CHEK1: variants seen among roughly 807,000 people sequenced by gnomAD.
CHEK1 encodes the protein checkpoint kinase 1, also known as serine/threonine-protein kinase Chk1.
Under a neutral mutation model 60.2 loss-of-function variants are expected in CHEK1, and 32 were observed. That is an observed-to-expected ratio of 0.53 (90% CI 0.40 to 0.71). The LOEUF (loss-of-function observed/expected upper bound fraction) is 0.71, where lower values mean the gene tolerates loss of function less well. Among genes scored for constraint, CHEK1 ranks in the 30% least tolerant of loss-of-function variants. CHEK1 has a pLI of 0.00. For synonymous variants in CHEK1, 179 were observed against 187.2 expected (o/e 0.96, Z 0.36); for missense variants, 399 against 564.6 (o/e 0.71, Z 2.97).
downstream of CHEK1, among the ~76,000 whole-genome samples, chr11:125,658,302 A>T (rs779760549): frequency 2.0e-4 from 30 of 152,094 alleles, no homozygotes; most frequent in Non-Finnish European, 3.7e-4. Context: ...TGTTTTAACA[A>T]GTTGTTGCTG....
At chr11:125,655,092 G>A (rs557473810) in intron 12 of CHEK1, 133 bp from the exon 13 acceptor site, 8 of 641,246 alleles carry the variant, frequency 1.2e-5, no homozygotes, top group Admixed American at 3.0e-5. Context: ...TAAACAGACC[G>A]AAAAGAAAAT....
intron 13 of CHEK1, chr11:125,672,477 G>T: frequency 8.1e-7 from 1 of 1,237,328 alleles, no homozygotes; most frequent in Non-Finnish European, 1.1e-6. Context: ...CTAATGCTCA[G>T]GCAGAGGCAG....
Position 125,637,564 on chromosome 11 carries a change from AGTTT to A in CHEK1, c.814+29_814+32del, listed in dbSNP as rs747773281. 45 of 1,551,394 alleles carry A rather than the reference AGTTT, an allele frequency of 2.9e-5. No individual in the cohort carries two copies. Among genetic ancestry groups the A allele is most frequent in the African/African-American group, 2.3e-4 (17 of 72,766 alleles). On this transcript the variant is annotated intron_variant, in intron 8 of 12. Transcript: ENST00000438015. ...AGAAAGGTAATATCCTTAAACTACA[AGTTT>A]GTTTGTTTTTCTGTGGAAGAAAAGG... is the stretch of plus-strand genomic sequence containing the variant.
In CHEK1 at chr11:125,643,527, A is replaced by G. The variant is rs541574484; in HGVS notation, c.815-265A>G. The G allele has an allele frequency of 1.2e-4, 37 of 318,770 alleles. No homozygotes were observed. In the Admixed American group the frequency reaches 1.4e-3, roughly 12 times the overall value. The allele number at this position is 318,770 out of a possible 1,614,324, so 19.7% of individuals were successfully genotyped here. A position where few individuals can be genotyped will look rare whatever the true frequency, so the allele number is the denominator to read the frequency against. ...AAAAAAAAAAGATTGTGGTCTGAGCATACTCCACACTTTGAACATGTCTAC... is the reference window on the plus strand; with the variant it reads ...AAAAAAAAAAGATTGTGGTCTGAGCGTACTCCACACTTTGAACATGTCTAC... On this transcript the variant is annotated intron_variant, in intron 8 of 12. Coordinates refer to ENST00000438015, the MANE Select transcript of CHEK1 (RefSeq NM_001114122.3).
chr11:125,643,487 C>T (rs1023445093), intron 8 of CHEK1: 54 of 191,424 alleles, frequency 2.8e-4, no homozygotes, highest in African/African-American at 2.1e-4. Context: ...AGCGAGACTC[C>T]GTCTCAAAAA....
chr11:125,632,697 G>A (rs187759003), intron 5 of CHEK1, among the ~76,000 whole-genome samples: 3 of 152,196 alleles, frequency 2.0e-5, no homozygotes, highest in African/African-American at 7.2e-5. Context: ...AATTACTGTG[G>A]TTTGTTGAAT....
chr11:125,637,802 C>G (rs762992546), intron 8 of CHEK1, among the ~76,000 whole-genome samples: 1 of 152,150 alleles, frequency 6.6e-6, no homozygotes, highest in Admixed American at 6.5e-5. Context: ...TACATTAAAT[C>G]TAAGATTTGA....
downstream of CHEK1, among the ~76,000 whole-genome samples, chr11:125,658,240 T>G (rs1941953643): frequency 6.6e-6 from 1 of 152,180 alleles, no homozygotes; most frequent in Non-Finnish European, 1.5e-5. Context: ...GGCTAACTTT[T>G]GTATTTTTTG....
At chr11:125,660,534 T>A (rs185087267), downstream of CHEK1, among the ~76,000 whole-genome samples, 2 of 152,158 alleles carry the variant, frequency 1.3e-5, no homozygotes, top group East Asian at 3.9e-4. Flanking sequence ...CTAGGTTCTG[T>A]TAATTTTGCT....
chr11:125,635,499 C>T lies in CHEK1; in HGVS notation c.684C>T (p.Leu228=). Residue 228 remains leucine (L), a synonymous_variant, in exon 7 of 13, where the codon CTC becomes CTT. Transcript: ENST00000438015. Reference sequence around the variant, plus strand: ...ACTGGAAAGAAAAAAAAACATACCTCAACCCTTGGAAAAAAATCGATTCTG... The same window carrying T: ...ACTGGAAAGAAAAAAAAACATACCTTAACCCTTGGAAAAAAATCGATTCTG... ...YSDWKEKKTY[L]NPWKKIDSAP... The T allele has an allele frequency of 6.2e-7, 1 of 1,607,716 alleles. No individual in the cohort carries two copies. The highest frequency in any genetic ancestry group is 8.5e-7 in the Non-Finnish European group (1 of 1,177,284).
chr11:125,644,515 C>T lies in CHEK1; in HGVS notation c.1105C>T (p.Pro369Ser), dbSNP rs1318383609. ...LLGTPGSSQN[P>S]WQRLVKRMTR... Reference sequence around the variant, plus strand: ...TTGTCTTCTGTTTGACATGTAGAACCCCTGGCAGCGGTTGGTCAAAAGAAT... The same window carrying T: ...TTGTCTTCTGTTTGACATGTAGAACTCCTGGCAGCGGTTGGTCAAAAGAAT... The change falls in exon 11 of 13, where the codon CCC (proline) becomes TCC (serine). Residue 369 changes from proline to serine, a missense_variant. Physicochemically the swap from Pro to Ser is moderately conservative, Grantham distance 74. This residue lies in a region of CHEK1 where 370 missense variants were observed against 494.8 expected (regional missense o/e 0.75). Transcript: ENST00000438015. The T allele has an allele frequency of 6.2e-7, 1 of 1,613,522 alleles. No individual in the cohort carries two copies. Among genetic ancestry groups the T allele is most frequent in the Non-Finnish European group, 8.5e-7 (1 of 1,179,840 alleles).
intron 11 of CHEK1, among the ~76,000 whole-genome samples, chr11:125,647,113 C>T (rs1440624961): frequency 2.6e-5 from 4 of 152,100 alleles, no homozygotes; most frequent in Non-Finnish European, 4.4e-5. Context: ...GCGGGGACTA[C>T]AGTCTTAAAG....
At chr11:125,675,742 T>A (rs539796211) in intron 13 of CHEK1, among the ~76,000 whole-genome samples, 4 of 152,136 alleles carry the variant, frequency 2.6e-5, no homozygotes, top group Admixed American at 2.6e-4. Flanking sequence ...AATATATAGC[T>A]ATAGCTTACA....
At chr11:125,680,003 T>C (rs1289410211), downstream of CHEK1, among the ~76,000 whole-genome samples, 2 of 152,248 alleles carry the variant, frequency 1.3e-5, no homozygotes, top group East Asian at 1.9e-4. Context: ...CTTGATCTTA[T>C]AGTTTATGAC....
chr11:125,676,537 T>G, downstream of CHEK1: 1 of 1,605,634 alleles, frequency 6.2e-7, no homozygotes, highest in African/African-American at 1.3e-5. Flanking sequence ...GTAGCCTTGA[T>G]TCACATCTGG....
chr11:125,650,916 A>G (rs1210493683), intron 11 of CHEK1, among the ~76,000 whole-genome samples: 1 of 152,164 alleles, frequency 6.6e-6, no homozygotes. Context: ...GCAATACTCA[A>G]CCAAGAAGTT....
At position 125,643,987 on chromosome 11, in the gene CHEK1, C is replaced by A. The variant is rs142892612; in HGVS notation, c.923+87C>A. On this transcript the variant is annotated intron_variant, in intron 9 of 12. Coordinates refer to ENST00000438015, the MANE Select transcript of CHEK1 (RefSeq NM_001114122.3). Reference sequence around the variant, plus strand: ...GTATGTGTTTTTTCATAATAATCGACATTAACATAATACTGTAAGCATGAG... The same window carrying A: ...GTATGTGTTTTTTCATAATAATCGAAATTAACATAATACTGTAAGCATGAG... 4 of 1,525,226 alleles carry A rather than the reference C, an allele frequency of 2.6e-6. No individual in the cohort carries two copies. In the African/African-American group the frequency reaches 4.1e-5, roughly 16 times the overall value. 94.5% of individuals were successfully genotyped at this position (1,525,226 alleles called of 1,614,324 possible). A position where few individuals can be genotyped will look rare whatever the true frequency, so the allele number is the denominator to read the frequency against.
intron 13 of CHEK1, among the ~76,000 whole-genome samples, chr11:125,675,034 A>C (rs1942424108): frequency 6.6e-6 from 1 of 152,182 alleles, no homozygotes; most frequent in Admixed American, 6.5e-5. Flanking sequence ...GTATCTCTTT[A>C]ATCTTGACTG....
chr11:125,675,010 G>A (rs1317004019), intron 13 of CHEK1, among the ~76,000 whole-genome samples: 3 of 152,126 alleles, frequency 2.0e-5, no homozygotes, highest in African/African-American at 7.2e-5. Context: ...AACCATTGCT[G>A]TATGACTAAA....
Sources: allele counts gnomAD v4.1 joint callset (sites outside exome capture counted in the v4.1 genomes callset), GRCh38; gene constraint gnomAD v4.1.1; regional missense constraint gnomAD v4.1.1; transcripts MANE v1.5; gene names NCBI Gene and HGNC (gene_info 2026-07-23, HGNC 2026-07-21).